Variants in SGMS1 observed in about 807,000 individuals in gnomAD.
SGMS1 encodes phosphatidylcholine:ceramide cholinephosphotransferase 1.
SGMS1 carries 13 observed loss-of-function variants against 46.2 expected under a neutral mutation model. That is an observed-to-expected ratio of 0.28 (90% CI 0.18 to 0.45). SGMS1 has a LOEUF of 0.45. Among genes scored for constraint, SGMS1 ranks in the 20% least tolerant of loss-of-function variants. The pLI, the probability that SGMS1 is intolerant of heterozygous loss-of-function variation, is 1.00. For missense variants in SGMS1, 324 were observed against 519.9 expected (o/e 0.62, Z 3.66); for synonymous variants, 203 against 187.8 (o/e 1.08, Z -0.66).
At chr10:50,388,465 C>T (rs1848714895) in intron 6 of SGMS1, among the ~76,000 whole-genome samples, 1 of 138,612 alleles carries the variant, frequency 7.2e-6, no homozygotes, top group African/African-American at 2.8e-5. Context: ...AAAACCCTGT[C>T]TCTACTAAAA....
chr10:50,563,742 CAAAAAAAAA>C (rs60882939), intron 2 of SGMS1, among the ~76,000 whole-genome samples: 2 of 65,754 alleles, frequency 3.0e-5, no homozygotes, highest in South Asian at 5.5e-4. Flanking sequence ...GACTCCGTCT[CAAAAAAAAA>C]AAAAAAAAAA....
chr10:50,436,640 G>A (rs2133626361), intron 5 of SGMS1, among the ~76,000 whole-genome samples: 1 of 152,258 alleles, frequency 6.6e-6, no homozygotes, highest in Admixed American at 6.5e-5. Context: ...AACAGTCATG[G>A]GAAAACCTGG....
chr10:50,383,412 C>T (rs779279600), intron 6 of SGMS1, among the ~76,000 whole-genome samples: 5 of 152,074 alleles, frequency 3.3e-5, no homozygotes, highest in Non-Finnish European at 7.4e-5. Context: ...AAACAATCTA[C>T]ATATCTTTTC....
chr10:50,619,948 G>A (rs900978407), intron 1 of SGMS1, among the ~76,000 whole-genome samples: 6 of 152,084 alleles, frequency 3.9e-5, no homozygotes, highest in East Asian at 1.9e-4. Flanking sequence ...CTTTCTCTTC[G>A]CTGTCTGTGT....
chr10:50,505,196 A>G (rs559858207), intron 3 of SGMS1, among the ~76,000 whole-genome samples: 1 of 152,316 alleles, frequency 6.6e-6, no homozygotes, highest in East Asian at 1.9e-4. Context: ...ACCCTGGGCA[A>G]CAGAGTGAGA....
At chr10:50,311,516 G>A in intron 8 of SGMS1, 101 bp from the exon 9 acceptor site, 6 of 940,680 alleles carry the variant, frequency 6.4e-6, no homozygotes, top group Non-Finnish European at 6.6e-6. Flanking sequence ...CTTATATTAA[G>A]AAACATAAAA....
intron 8 of SGMS1, among the ~76,000 whole-genome samples, chr10:50,312,563 C>A (rs1258644153): frequency 6.6e-6 from 1 of 152,064 alleles, no homozygotes; most frequent in Non-Finnish European, 1.5e-5. Flanking sequence ...TAAGACTTTT[C>A]AAAAGCCACA....
At chr10:50,567,631 C>T (rs371367893) in intron 2 of SGMS1, among the ~76,000 whole-genome samples, 1 of 152,206 alleles carries the variant, frequency 6.6e-6, no homozygotes, top group Non-Finnish European at 1.5e-5. Context: ...TGCCCAACCT[C>T]CACTGTTATC....
intron 7 of SGMS1, 28 bp downstream of exon 7, chr10:50,343,464 T>C: frequency 6.5e-7 from 1 of 1,543,898 alleles, no homozygotes; most frequent in Non-Finnish European, 8.7e-7. Flanking sequence ...CCATAATCAT[T>C]GAATCTTAGA....
At chr10:50,377,799 C>T (rs1470815859) in intron 6 of SGMS1, among the ~76,000 whole-genome samples, 2 of 152,184 alleles carry the variant, frequency 1.3e-5, no homozygotes, top group Non-Finnish European at 2.9e-5. Context: ...TTCCTTGCTT[C>T]TCAATCATCT....
chr10:50,592,332 C>T (rs951306275), intron 1 of SGMS1, among the ~76,000 whole-genome samples: 1 of 152,110 alleles, frequency 6.6e-6, no homozygotes, highest in South Asian at 2.1e-4. Context: ...AGAATGTAAT[C>T]GTTGCATAGA....
chr10:50,611,843 T>G (rs978431871), intron 1 of SGMS1, among the ~76,000 whole-genome samples: 1 of 151,984 alleles, frequency 6.6e-6, no homozygotes, highest in African/African-American at 2.4e-5. Flanking sequence ...AAAACATTCC[T>G]CTTCTCTGTT....
chr10:50,562,245 A>G (rs1838243068), intron 2 of SGMS1, among the ~76,000 whole-genome samples: 1 of 152,132 alleles, frequency 6.6e-6, no homozygotes, highest in Non-Finnish European at 1.5e-5. Context: ...ATGTGATTAA[A>G]ATGCAGATTC....
intron 6 of SGMS1, among the ~76,000 whole-genome samples, chr10:50,368,147 T>C (rs1353696187): frequency 6.6e-6 from 1 of 152,196 alleles, no homozygotes; most frequent in Non-Finnish European, 1.5e-5. Flanking sequence ...TTAATGTGCA[T>C]TTAGTGACTC....
intron 6 of SGMS1, among the ~76,000 whole-genome samples, chr10:50,398,910 T>G (rs1431366756): frequency 1.3e-5 from 2 of 152,010 alleles, no homozygotes; most frequent in Non-Finnish European, 2.9e-5. Context: ...AAATACTACT[T>G]ATGGATATCA....
chr10:50,577,227 A>C (rs1025977632), intron 2 of SGMS1, among the ~76,000 whole-genome samples: 14 of 152,188 alleles, frequency 9.2e-5, no homozygotes, highest in African/African-American at 3.1e-4. Context: ...GGGATGACAC[A>C]GCTCAGGAAA....
chr10:50,568,115 T>C (rs994242394), intron 2 of SGMS1, among the ~76,000 whole-genome samples: 14 of 152,154 alleles, frequency 9.2e-5, no homozygotes, highest in African/African-American at 3.1e-4. Context: ...CTAAAATATA[T>C]CAAACATCCG....
chr10:50,565,501 C>T (rs899080922), intron 2 of SGMS1, among the ~76,000 whole-genome samples: 4 of 152,070 alleles, frequency 2.6e-5, no homozygotes, highest in Non-Finnish European at 2.9e-5. Context: ...ACAAAAGATA[C>T]GTCTGGAAAG....
rs527743215 is a variant in SGMS1, at chr10:50,314,702, C to T, written c.742-3287G>A. Reference sequence around the variant, plus strand: ...TGTAATCTCAGCACTTTGGGAGGGTCGCTTGAAGCCAGGAGTTTGGGACCA... The same window carrying T: ...TGTAATCTCAGCACTTTGGGAGGGTTGCTTGAAGCCAGGAGTTTGGGACCA... On this transcript the variant is annotated intron_variant, in intron 8 of 10. Coordinates refer to ENST00000361781, the MANE Select transcript of SGMS1 (RefSeq NM_147156.4). Among the ~76,000 whole-genome samples the T allele has an allele frequency of 3.3e-5, 5 of 152,162 alleles. No individual in the cohort carries two copies. In the South Asian group the frequency reaches 8.3e-4, roughly 25 times the overall value.
Sources: gnomAD v4.1 joint callset for allele counts (sites outside exome capture counted in the v4.1 genomes callset) on GRCh38, gnomAD v4.1.1 for gene constraint, MANE v1.5 for transcripts, NCBI Gene and HGNC (gene_info 2026-07-23, HGNC 2026-07-21) for gene names.